Variants in C10orf90 observed in about 807,000 individuals in gnomAD.
The protein encoded by C10orf90 is chromosome 10 open reading frame 90, also known as (E2-independent) E3 ubiquitin-conjugating enzyme FATS.
A neutral mutation model predicts 62.5 loss-of-function variants in C10orf90; 56 were observed. The ratio of observed to expected loss-of-function variants is 0.90; its 90% confidence interval spans 0.72 to 1.12. C10orf90 has a LOEUF of 1.12. C10orf90 is among the 50% of genes most tolerant of loss of function. The pLI, the probability that C10orf90 is intolerant of heterozygous loss-of-function variation, is 0.00. For synonymous variants in C10orf90, 386 were observed against 340.4 expected (o/e 1.13, Z -1.47); for missense variants, 970 against 880.4 (o/e 1.10, Z -1.29).
Position 126,552,782 on chromosome 10 carries a change from A to G in C10orf90, c.314-38843T>C, listed in dbSNP as rs73378934. ...CTCTTGCTGCATGGCGGGATAAATT[A>G]CATCATCTCTCTGAGCCTCAGTTTT... On this transcript the variant is annotated intron_variant, in intron 2 of 9. Coordinates refer to ENST00000488181, the MANE Select transcript of C10orf90 (RefSeq NM_001350921.2). Among the ~76,000 whole-genome samples the G allele has an allele frequency of 4.8e-3, 739 of 152,372 alleles. 5 individuals carry two copies. Among genetic ancestry groups the G allele is most frequent in the African/African-American group, 0.017 (717 of 41,588 alleles).
intron 2 of C10orf90, among the ~76,000 whole-genome samples, chr10:126,545,726 A>C (rs1864475983): frequency 6.6e-6 from 1 of 152,136 alleles, no homozygotes; most frequent in Admixed American, 6.5e-5. Context: ...CACCGTCAGC[A>C]TGGAATGCCC....
At chr10:126,439,420 G>A (rs1365485615) in intron 7 of C10orf90, among the ~76,000 whole-genome samples, 1 of 152,104 alleles carries the variant, frequency 6.6e-6, no homozygotes, top group Non-Finnish European at 1.5e-5. Context: ...CAACAAGAAG[G>A]AAGCATAATA....
At chr10:126,584,321 C>T (rs1469340330) in intron 2 of C10orf90, among the ~76,000 whole-genome samples, 1 of 151,738 alleles carries the variant, frequency 6.6e-6, no homozygotes, top group East Asian at 1.9e-4. Flanking sequence ...CGTCCATCTG[C>T]CTGTCTGCTT....
intron 4 of C10orf90, among the ~76,000 whole-genome samples, chr10:126,474,214 G>A (rs2133778115): frequency 6.6e-6 from 1 of 152,280 alleles, no homozygotes; most frequent in African/African-American, 2.4e-5. Context: ...GCCCATCATG[G>A]TCATTCAGGA....
chr10:126,484,750 C>G (rs1006386393), intron 4 of C10orf90, among the ~76,000 whole-genome samples: 1 of 152,014 alleles, frequency 6.6e-6, no homozygotes, highest in Non-Finnish European at 1.5e-5. Context: ...TAGGTATAGT[C>G]AAAGTTTTAC....
intron 2 of C10orf90, among the ~76,000 whole-genome samples, chr10:126,625,987 G>C (rs1450199227): frequency 3.9e-5 from 6 of 152,050 alleles, no homozygotes; most frequent in Admixed American, 3.9e-4. Flanking sequence ...AAAATAGCCG[G>C]GTATGGTGGC....
At chr10:126,467,687 T>C (rs926845511) in intron 4 of C10orf90, among the ~76,000 whole-genome samples, 1 of 152,172 alleles carries the variant, frequency 6.6e-6, no homozygotes, top group African/African-American at 2.4e-5. Flanking sequence ...TTTTCCCACA[T>C]TGGTTGACAT....
intron 2 of C10orf90, among the ~76,000 whole-genome samples, chr10:126,633,671 G>A (rs917705122): frequency 2.6e-5 from 4 of 152,200 alleles, no homozygotes; most frequent in African/African-American, 7.2e-5. Context: ...GAGCTCTCAG[G>A]TCATCCAACA....
In C10orf90 at chr10:126,504,377, T is replaced by G; in HGVS notation, c.1114A>C (p.Ile372Leu). 6.2e-7 allele frequency: 1 copy of G among 1,614,162 alleles called. No homozygotes were observed. Among genetic ancestry groups the G allele is most frequent in the Non-Finnish European group, 8.5e-7 (1 of 1,180,032 alleles). ...GGGCTGGCAATTTGAGGTGGCTCAA[T>G]GGGGACGGAGAGAGACTTGTCTACG... ...YYVDKSLSVP[I>L]EPPQIASPKM... The change falls in exon 4 of 10, where the codon ATT (isoleucine) becomes CTT (leucine). Residue 372 changes from isoleucine (I) to leucine (L), a missense_variant. Ile to Leu is a conservative substitution (Grantham distance 5). Coordinates refer to ENST00000488181, the MANE Select transcript of C10orf90 (RefSeq NM_001350921.2). The surrounding 1 kb of genome is among the most constrained non-coding windows in gnomAD (Gnocchi z 4.1).
intron 1 of C10orf90, among the ~76,000 whole-genome samples, chr10:126,665,575 A>G (rs1444332661): frequency 6.6e-6 from 1 of 152,196 alleles, no homozygotes; most frequent in Non-Finnish European, 1.5e-5. Flanking sequence ...TCTTCCAGCC[A>G]TGATAGAGTA....
chr10:126,513,900 G>T lies in C10orf90; in HGVS notation c.353C>A (p.Ala118Asp), dbSNP rs773873141. The part of the protein sequence containing the change: ...DSYHSRRDQI[A>D]LKNLQSDVTE... ...GACATCAGACTGGAGATTTTTAAGGGCAATTTGATCTCTTCTACTGTGGTA... is the reference window on the plus strand; with the variant it reads ...GACATCAGACTGGAGATTTTTAAGGTCAATTTGATCTCTTCTACTGTGGTA... Residue 118 changes from alanine (A) to aspartate (D), a missense_variant, in exon 3 of 10, where the codon GCC (alanine) becomes GAC (aspartate). Coordinates refer to ENST00000488181, the MANE Select transcript of C10orf90 (RefSeq NM_001350921.2). The T allele has an allele frequency of 6.2e-7, 1 of 1,613,256 alleles. No individual in the cohort carries two copies. The highest frequency in any genetic ancestry group is 1.7e-5 in the Admixed American group (1 of 60,004).
chr10:126,576,677 A>AAAGAAAATGG lies in C10orf90; in HGVS notation c.314-62739_314-62738insCCATTTTCTT, dbSNP rs1844620173. 4.1e-4 allele frequency among the ~76,000 whole-genome samples: 19 copies of AAAGAAAATGG among 45,914 alleles called. 1 individual carries two copies. The highest frequency in any genetic ancestry group is 6.9e-4 in the African/African-American group (6 of 8,672). 30.1% of individuals were successfully genotyped at this position (45,914 alleles called of 152,430 possible). A position where few individuals can be genotyped will look rare whatever the true frequency, so the allele number is the denominator to read the frequency against. On this transcript the variant is annotated intron_variant, in intron 2 of 9. Coordinates refer to ENST00000488181, the MANE Select transcript of C10orf90 (RefSeq NM_001350921.2). ...AAGATATGTATACATATATATGTAT[A>AAAGAAAATGG]CATATACATATACATGTATATGTAT...
intron 2 of C10orf90, among the ~76,000 whole-genome samples, chr10:126,585,372 A>G (rs1413832756): frequency 3.4e-5 from 2 of 58,266 alleles, no homozygotes; most frequent in Non-Finnish European, 7.0e-5. Flanking sequence ...GGAAGAAAGG[A>G]AGGAAGAAAA....
chr10:126,471,257 G>A (rs1467172038), intron 4 of C10orf90, among the ~76,000 whole-genome samples: 1 of 152,210 alleles, frequency 6.6e-6, no homozygotes, highest in Non-Finnish European at 1.5e-5. Context: ...AACCCGCAGG[G>A]ATGAAGAGGC....
chr10:126,629,096 C>T (rs1015959461), intron 2 of C10orf90, among the ~76,000 whole-genome samples: 2 of 152,192 alleles, frequency 1.3e-5, no homozygotes, highest in African/African-American at 2.4e-5. Flanking sequence ...CAATTACATC[C>T]TCATCAGGAT....
At chr10:126,612,943 A>G (rs1845469117) in intron 2 of C10orf90, among the ~76,000 whole-genome samples, 2 of 152,152 alleles carry the variant, frequency 1.3e-5, no homozygotes, top group African/African-American at 4.8e-5. Context: ...CGCAGCTCCA[A>G]CGGCATGTTA....
intron 2 of C10orf90, among the ~76,000 whole-genome samples, chr10:126,616,340 G>T (rs1184539396): frequency 1.3e-5 from 2 of 152,184 alleles, no homozygotes; most frequent in Non-Finnish European, 1.5e-5. Context: ...CTAGGAGAAA[G>T]GTTTTCAGGG....
At chr10:126,479,769 G>A (rs987479699) in intron 4 of C10orf90, among the ~76,000 whole-genome samples, 5 of 152,162 alleles carry the variant, frequency 3.3e-5, no homozygotes, top group African/African-American at 9.7e-5. Context: ...TGCAGAGAAG[G>A]AAAACATATG....
intron 7 of C10orf90, among the ~76,000 whole-genome samples, chr10:126,454,468 C>G (rs758204538): frequency 6.6e-6 from 1 of 151,860 alleles, no homozygotes; most frequent in Non-Finnish European, 1.5e-5. Context: ...GTACCTTCTA[C>G]AATCTGCAAA....
Sources: allele counts gnomAD v4.1 joint callset (sites outside exome capture counted in the v4.1 genomes callset), GRCh38; gene constraint gnomAD v4.1.1; non-coding constraint Gnocchi (gnomAD v3.1); transcripts MANE v1.5; gene names NCBI Gene and HGNC (gene_info 2026-07-23, HGNC 2026-07-21).